The following APOM variants were observed in gnomAD, a reference collection of about 807,000 sequenced individuals.
The protein encoded by APOM is NG20-like protein.
Under a neutral mutation model 23.5 loss-of-function variants are expected in APOM, and 24 were observed. The observed-to-expected ratio is 1.02, with a 90% CI of 0.74 to 1.44. The LOEUF is 1.44. APOM is among the 40% of genes most tolerant of loss of function. APOM has a pLI of 0.00. For missense variants in APOM, 200 were observed against 233.2 expected (o/e 0.86, Z 0.93); for synonymous variants, 82 against 84.1 (o/e 0.97, Z 0.14).
upstream of APOM, among the ~76,000 whole-genome samples, chr6:31,653,516 A>G (rs1313173288): frequency 6.6e-6 from 1 of 152,196 alleles, no homozygotes; most frequent in Non-Finnish European, 1.5e-5. Flanking sequence ...GCCAGCCCAT[A>G]TACTACGGGT....
chr6:31,656,663 G>A, intron 2 of APOM, 37 bp downstream of exon 2: 1 of 1,601,346 alleles, frequency 6.2e-7, no homozygotes, highest in South Asian at 1.1e-5. Flanking sequence ...ACTGGGTTCA[G>A]TCTCTGCCCA....
rs1432420253 is a variant in APOM, at chr6:31,658,136, T to C, written c.*47T>C. ...CCAGATGGGTACAATGGGAGCTGAG[T>C]TGTTGGAGGGAGAAGCTGGAGACTT... On this transcript the variant is annotated 3_prime_UTR_variant, in exon 6 of 6. Transcript: ENST00000375916. 6.2e-7 allele frequency: 1 copy of C among 1,604,326 alleles called. No homozygotes were observed. The highest frequency in any genetic ancestry group is 2.2e-5 in the East Asian group (1 of 44,816).
chr6:31,656,107 A>G (rs1800019360), intron 1 of APOM, 27 bp downstream of exon 1: 2 of 1,530,660 alleles, frequency 1.3e-6, no homozygotes, highest in Non-Finnish European at 1.8e-6. Context: ...GGGGAAGCCT[A>G]TGGTGGAGGC....
upstream of APOM, among the ~76,000 whole-genome samples, chr6:31,654,065 T>C (rs1389153733): frequency 2.0e-5 from 3 of 151,626 alleles, no homozygotes; most frequent in Non-Finnish European, 4.4e-5. Context: ...GCCAAAATGG[T>C]GAAACCCCAT....
chr6:31,657,540 C>T, intron 4 of APOM, 62 bp downstream of exon 4: 2 of 1,600,120 alleles, frequency 1.2e-6, no homozygotes, highest in East Asian at 2.2e-5. Flanking sequence ...GAGAACTCCT[C>T]ACTCTGGGTC....
chr6:31,654,377 G>C (rs1183295967), upstream of APOM, among the ~76,000 whole-genome samples: 1 of 151,684 alleles, frequency 6.6e-6, no homozygotes, highest in African/African-American at 2.4e-5. Flanking sequence ...CAAATTTTTT[G>C]TGGCAGTCCA....
chr6:31,654,178 G>A (rs1274921526), upstream of APOM, among the ~76,000 whole-genome samples: 1 of 150,050 alleles, frequency 6.7e-6, no homozygotes, highest in Non-Finnish European at 1.5e-5. Context: ...CCGGGAGGTG[G>A]AGATTGCAGT....
At chr6:31,654,605 C>G (rs1006704149), upstream of APOM, among the ~76,000 whole-genome samples, 1 of 152,126 alleles carries the variant, frequency 6.6e-6, no homozygotes, top group Admixed American at 6.5e-5. Flanking sequence ...CAAAGTCATG[C>G]CTGGGCGACA....
intron 5 of APOM, 58 bp from the exon 6 acceptor site, chr6:31,658,006 C>A (rs1252563190): frequency 1.9e-6 from 3 of 1,583,330 alleles, no homozygotes; most frequent in Non-Finnish European, 2.6e-6. Context: ...TTACTATCAA[C>A]TTTGCTTTTC....
At chr6:31,653,988 C>T (rs1217202426), upstream of APOM, among the ~76,000 whole-genome samples, 1 of 152,028 alleles carries the variant, frequency 6.6e-6, no homozygotes, top group Non-Finnish European at 1.5e-5. Flanking sequence ...TTCGGCCGGG[C>T]GCAGTGACTC....
rs558700098 is a variant in APOM, at chr6:31,656,155, G to A, written c.114+75G>A. On this transcript the variant is annotated intron_variant, in intron 1 of 5. Transcript: ENST00000375916. Reference sequence around the variant, plus strand: ...GGGTGGATGGCCTAGGATGACTGGAGACCATCTTGGGAAAGGAAGAGAGGA... The same window carrying A: ...GGGTGGATGGCCTAGGATGACTGGAAACCATCTTGGGAAAGGAAGAGAGGA... 36 of 1,202,544 alleles carry A rather than the reference G, an allele frequency of 3.0e-5. 1 individual carries two copies. In the South Asian group the frequency reaches 4.7e-4, roughly 16 times the overall value. The allele number at this position is 1,202,544 out of a possible 1,614,324, so 74.5% of individuals were successfully genotyped here.
rs1228544578 is a variant in APOM at position 31,657,671 on chromosome 6, C to T, written c.489C>T (p.Ser163=). Residue 163 remains serine (S), a synonymous_variant, in exon 5 of 6, where the codon TCC becomes TCT. Transcript: ENST00000375916. ...AAAAGTGTGTGGAGGAATTCAAGTC[C>T]CTGACTTCCTGCCTGGACTCCAAAG... The part of the protein sequence containing the change: ...PPEKCVEEFK[S]LTSCLDSKAF... 1 of 1,613,152 alleles carries T rather than the reference C, an allele frequency of 6.2e-7. No homozygotes were observed.
In APOM at chr6:31,656,080, G is replaced by A. The variant is rs1256076789; in HGVS notation, c.114G>A (p.Glu38=). The A allele has an allele frequency of 6.4e-7, 1 of 1,559,264 alleles. No individual in the cohort carries two copies. Among genetic ancestry groups the A allele is most frequent in the African/African-American group, 1.4e-5 (1 of 73,808 alleles). Residue 38 remains glutamate, a splice_region_variant and synonymous_variant, in exon 1 of 6, where the codon GAG becomes GAA. Transcript: ENST00000375916. ...QLTTLGVDGK[E]FPEVHLGQWY... ...CAACTCTGGGCGTGGATGGGAAGGA[G>A]GTATGGACTGAGATTGGGGGAAGCC...
At position 31,656,534 on chromosome 6, in the gene APOM, G is replaced by C; in HGVS notation, c.177G>C (p.Glu59Asp). The C allele has an allele frequency of 6.2e-7, 1 of 1,614,166 alleles. No homozygotes were observed. Among genetic ancestry groups the C allele is most frequent in the Non-Finnish European group, 8.5e-7 (1 of 1,180,030 alleles). The change falls in exon 2 of 6, where the codon GAG (glutamate) becomes GAC (aspartate). Residue 59 changes from glutamate to aspartate, a missense_variant. Glu to Asp is a conservative substitution (Grantham distance 45). Coordinates refer to ENST00000375916, the MANE Select transcript of APOM (RefSeq NM_019101.3). ...FIAGAAPTKE[E>D]LATFDPVDNI... ...CAGGGGCAGCTCCCACCAAGGAGGA[G>C]TTGGCAACTTTTGACCCTGTGGACA...
chr6:31,656,411 G>C, intron 1 of APOM, 61 bp from the exon 2 acceptor site: 1 of 1,549,532 alleles, frequency 6.5e-7, no homozygotes, highest in Non-Finnish European at 8.8e-7. Flanking sequence ...GACTGATGAA[G>C]AGGTTGAACC....
intron 2 of APOM, among the ~76,000 whole-genome samples, chr6:31,656,861 G>A (rs1009761818): frequency 2.0e-5 from 3 of 152,156 alleles, no homozygotes; most frequent in African/African-American, 7.2e-5. Flanking sequence ...TAGAAGCCGG[G>A]ACAGGCCAGA....
chr6:31,657,920 C>A, intron 5 of APOM, 144 bp from the exon 6 acceptor site: 1 of 996,094 alleles, frequency 1.0e-6, no homozygotes, highest in South Asian at 1.4e-5. Flanking sequence ...GGCAGAGGGT[C>A]ATACGTGGAG....
chr6:31,652,696 C>T (rs1798756623), upstream of APOM: 1 of 147,678 alleles, frequency 6.8e-6, no homozygotes, highest in Non-Finnish European at 1.5e-5. Context: ...TTAAGCATCG[C>T]CCCACCCCCT....
chr6:31,656,587 C>G lies in APOM; in HGVS notation c.230C>G (p.Ser77Cys). 6.2e-7 allele frequency: 1 copy of G among 1,614,160 alleles called. No individual in the cohort carries two copies. The highest frequency in any genetic ancestry group is 8.5e-7 in the Non-Finnish European group (1 of 1,180,034). ...ATTGTCTTCAATATGGCTGCTGGCT[C>G]TGCCCCGATGCAGCTCCACCTTCGT... ...DNIVFNMAAG[S>C]APMQLHLRAT... Residue 77 changes from serine to cysteine, a missense_variant, in exon 2 of 6, where the codon TCT (serine) becomes TGT (cysteine). Transcript: ENST00000375916.
Sources: gnomAD v4.1 joint callset for allele counts (sites outside exome capture counted in the v4.1 genomes callset) on GRCh38, gnomAD v4.1.1 for gene constraint, MANE v1.5 for transcripts, NCBI Gene and HGNC (gene_info 2026-07-23, HGNC 2026-07-21) for gene names.